Variants in PCNX2 observed in about 807,000 individuals in gnomAD.
PCNX2 encodes the protein pecanex-like protein 2.
Under a neutral mutation model 223.8 loss-of-function variants are expected in PCNX2, and 168 were observed. The observed-to-expected ratio is 0.75, with a 90% confidence interval of 0.66 to 0.85. The LOEUF is 0.85. Among genes scored for constraint, PCNX2 ranks in the 40% least tolerant of loss-of-function variants. The pLI is 0.00. For missense variants in PCNX2, 2,507 were observed against 2,675.5 expected, an observed-to-expected ratio of 0.94 and a Z score of 1.39; for synonymous variants, 1,006 against 1,052.6, an observed-to-expected ratio of 0.96 and a Z score of 0.86.
intron 25 of PCNX2, among the ~76,000 whole-genome samples, chr1:233,030,379 T>TA (rs1349829533): frequency 6.6e-6 from 1 of 152,228 alleles, no homozygotes; most frequent in Non-Finnish European, 1.5e-5. Flanking sequence ...TTTTTTCTAT[T>TA]AACTATAAAA....
intron 25 of PCNX2, chr1:233,031,788 T>TC (rs1671276056): frequency 1.6e-5 from 13 of 832,654 alleles, no homozygotes; most frequent in Non-Finnish European, 1.9e-5. Flanking sequence ...AAGCATTCTT[T>TC]TTTTTTTTTT....
chr1:233,136,298 T>A (rs991665828), intron 20 of PCNX2, among the ~76,000 whole-genome samples: 2 of 152,344 alleles, frequency 1.3e-5, no homozygotes, highest in South Asian at 4.1e-4. Context: ...CATGCCTCAA[T>A]TGCCCTAAAC....
At chr1:233,231,554 T>C (rs1466054741) in intron 9 of PCNX2, 4 of 845,182 alleles carry the variant, frequency 4.7e-6, no homozygotes, top group Non-Finnish European at 4.3e-6. Context: ...TGGCCTGTTT[T>C]CTTGGGGGGT....
At chr1:233,291,173 A>G in intron 1 of PCNX2, 1 of 842,274 alleles carries the variant, frequency 1.2e-6, no homozygotes. Context: ...ACCACTGACT[A>G]TAGATGACTG....
chr1:233,290,645 T>G, intron 1 of PCNX2: 1 of 700,568 alleles, frequency 1.4e-6, no homozygotes, highest in Non-Finnish European at 1.8e-6. Flanking sequence ...TTAGAATGTG[T>G]TGGGTGCTTA....
intron 17 of PCNX2, among the ~76,000 whole-genome samples, chr1:233,175,734 G>C (rs1679441650): frequency 6.6e-6 from 1 of 151,990 alleles, no homozygotes; most frequent in Admixed American, 6.6e-5. Context: ...ATCAGGCCCA[G>C]CTGCTTTGAC....
chr1:233,167,885 T>A (rs1381393132), intron 17 of PCNX2: 1 of 868,986 alleles, frequency 1.2e-6, no homozygotes, highest in African/African-American at 1.8e-5. Context: ...CTATAAGATA[T>A]AAATATATGT....
chr1:233,208,381 G>A, intron 13 of PCNX2, 137 bp downstream of exon 13: 2 of 932,678 alleles, frequency 2.1e-6, no homozygotes, highest in South Asian at 4.1e-5. Context: ...ACAGTCTTCG[G>A]TAGATATGCA....
intron 1 of PCNX2, among the ~76,000 whole-genome samples, chr1:233,286,122 G>C (rs1661432261): frequency 1.3e-5 from 2 of 152,186 alleles, no homozygotes; most frequent in Non-Finnish European, 2.9e-5. Context: ...TACTCAAAAT[G>C]ATGTAATAGA....
chr1:233,147,367 T>C (rs550801135), intron 19 of PCNX2, among the ~76,000 whole-genome samples: 1 of 152,234 alleles, frequency 6.6e-6, no homozygotes, highest in East Asian at 1.9e-4. Flanking sequence ...ATTAAGAAAA[T>C]CATAAGAAAG....
At chr1:233,112,689 G>A (rs1354072743) in intron 21 of PCNX2, among the ~76,000 whole-genome samples, 1 of 152,214 alleles carries the variant, frequency 6.6e-6, no homozygotes, top group African/African-American at 2.4e-5. Flanking sequence ...TTAGCGGGAT[G>A]AATGTGTCTG....
chr1:233,255,500 T>C (rs1659687930), intron 5 of PCNX2, among the ~76,000 whole-genome samples: 2 of 152,218 alleles, frequency 1.3e-5, no homozygotes, highest in Admixed American at 6.5e-5. Context: ...CTTGTTCTCA[T>C]GTGGGCGGTC....
intron 21 of PCNX2, among the ~76,000 whole-genome samples, chr1:233,108,953 A>G (rs1293130700): frequency 6.6e-6 from 1 of 152,166 alleles, no homozygotes; most frequent in Admixed American, 6.5e-5. Flanking sequence ...TGGGAGAGGG[A>G]CAGGAAAGGT....
Position 233,000,258 on chromosome 1 carries a change from A to C in PCNX2, c.5328+47T>G. 1 of 1,547,114 alleles carries C rather than the reference A, an allele frequency of 6.5e-7. No homozygotes were observed. The highest frequency in any genetic ancestry group is 8.9e-7 in the Non-Finnish European group (1 of 1,119,626). ...ACCACCATTCTATTTCTTCTCAGAT[A>C]GAGAGACACGAGCCAACAGGGGACC... On this transcript the variant is annotated intron_variant, in intron 30 of 33. Transcript: ENST00000258229. This position sits in a 1 kb window ranked among gnomAD's most constrained non-coding sequence, Gnocchi z 4.6.
At chr1:233,212,839 C>A (rs1328075486) in intron 12 of PCNX2, among the ~76,000 whole-genome samples, 1 of 152,190 alleles carries the variant, frequency 6.6e-6, no homozygotes, top group African/African-American at 2.4e-5. Context: ...AGTTGACCTT[C>A]TTATTTCTTA....
intron 23 of PCNX2, among the ~76,000 whole-genome samples, chr1:233,084,394 G>T (rs904793311): frequency 6.6e-6 from 1 of 152,148 alleles, no homozygotes. Context: ...CAGTACACTC[G>T]CATAGATGAT....
At chr1:233,255,682 A>T (rs776241376) in intron 5 of PCNX2, among the ~76,000 whole-genome samples, 9 of 152,234 alleles carry the variant, frequency 5.9e-5, no homozygotes, top group Non-Finnish European at 1.5e-5. Context: ...GGCTGGAAAT[A>T]AGAGTACATT....
At chr1:233,312,999 C>G in the PCNX2 span, among the ~76,000 whole-genome samples, 1 of 151,910 alleles carries the variant, frequency 6.6e-6, no homozygotes, top group Non-Finnish European at 1.5e-5. Flanking sequence ...TCTTGCTAAA[C>G]TGACTTATAA....
intron 21 of PCNX2, among the ~76,000 whole-genome samples, chr1:233,114,240 G>T (rs961795464): frequency 6.6e-6 from 1 of 152,212 alleles, no homozygotes; most frequent in African/African-American, 2.4e-5. Context: ...GACTGAAAAG[G>T]TGAGATCTGA....
Sources: allele counts gnomAD v4.1 joint callset (sites outside exome capture counted in the v4.1 genomes callset), GRCh38; gene constraint gnomAD v4.1.1; non-coding constraint Gnocchi (gnomAD v3.1); transcripts MANE v1.5; gene names NCBI Gene and HGNC (gene_info 2026-07-23, HGNC 2026-07-21).